The following RYR2 variants were observed in gnomAD, a reference collection of about 807,000 sequenced individuals.
RYR2 encodes the protein ryanodine receptor 2, also known as cardiac muscle ryanodine receptor-calcium release channel.
Under a neutral mutation model 601.1 loss-of-function variants are expected in RYR2, and 227 were observed. That is an observed-to-expected ratio of 0.38 (90% CI 0.34 to 0.42). The LOEUF (loss-of-function observed/expected upper bound fraction) is 0.42. Among genes scored for constraint, RYR2 ranks in the 10% least tolerant of loss-of-function variants. The pLI is 1.00. For missense variants in RYR2, 4,646 were observed against 6,156.5 expected (o/e 0.75, Z 8.21); for synonymous variants, 2,223 against 2,175.1 (o/e 1.02, Z -0.61).
At chr1:237,347,798 G>A (rs529007597) in intron 3 of RYR2, among the ~76,000 whole-genome samples, 1 of 152,094 alleles carries the variant, frequency 6.6e-6, no homozygotes, top group South Asian at 2.1e-4. Flanking sequence ...CAAACCAGAA[G>A]TTTTAAAAGG....
At chr1:237,636,751 C>T (rs1186324520) in intron 44 of RYR2, among the ~76,000 whole-genome samples, 2 of 152,168 alleles carry the variant, frequency 1.3e-5, no homozygotes, top group Non-Finnish European at 2.9e-5. Context: ...CAGCTTTATT[C>T]GTCATAGCCA....
At chr1:237,360,814 G>A (rs1475646676) in intron 4 of RYR2, among the ~76,000 whole-genome samples, 1 of 152,186 alleles carries the variant, frequency 6.6e-6, no homozygotes, top group Non-Finnish European at 1.5e-5. Context: ...CAATATGTCT[G>A]TCTTTTCAGA....
chr1:237,519,446 G>T (rs1666879049), intron 24 of RYR2, among the ~76,000 whole-genome samples: 1 of 152,052 alleles, frequency 6.6e-6, no homozygotes, highest in South Asian at 2.1e-4. Context: ...ATCTTGAGTT[G>T]ATTTTTGTAC....
At chr1:237,312,617 G>C (rs1459057794) in intron 2 of RYR2, among the ~76,000 whole-genome samples, 1 of 152,174 alleles carries the variant, frequency 6.6e-6, no homozygotes, top group Non-Finnish European at 1.5e-5. Flanking sequence ...ATACAAATAT[G>C]TCACTGAAAA....
At chr1:237,832,156 A>G (rs755175222) in intron 104 of RYR2, among the ~76,000 whole-genome samples, 2 of 151,708 alleles carry the variant, frequency 1.3e-5, no homozygotes, top group Non-Finnish European at 2.9e-5. Context: ...CTCCTGTTTC[A>G]GCCCCACAAG....
intron 17 of RYR2, among the ~76,000 whole-genome samples, chr1:237,476,722 A>G (rs1661451742): frequency 6.6e-6 from 1 of 152,140 alleles, no homozygotes. Context: ...AAATTGTGCC[A>G]TAATCTTGTG....
intron 42 of RYR2, among the ~76,000 whole-genome samples, chr1:237,632,792 T>C (rs476078): frequency 0.47 from 71,065 of 152,020 alleles, 18,500 homozygotes; most frequent in Non-Finnish European, 0.6. Flanking sequence ...CAGTATAATT[T>C]TATAACCTCT....
At chr1:237,218,968 G>A (rs1027619348) in intron 1 of RYR2, among the ~76,000 whole-genome samples, 2 of 151,626 alleles carry the variant, frequency 1.3e-5, no homozygotes, top group Non-Finnish European at 2.9e-5. Flanking sequence ...AAGAGGTAGC[G>A]GCTGACCCAC....
At chr1:237,455,556 C>A (rs1023656814) in intron 15 of RYR2, among the ~76,000 whole-genome samples, 1 of 151,998 alleles carries the variant, frequency 6.6e-6, no homozygotes, top group African/African-American at 2.4e-5. Flanking sequence ...GCACATGTAA[C>A]CCCCAAAGCC....
At chr1:237,796,136 C>T (rs115352473) in intron 96 of RYR2, among the ~76,000 whole-genome samples, 12 of 151,752 alleles carry the variant, frequency 7.9e-5, no homozygotes, top group African/African-American at 1.7e-4. Flanking sequence ...AGTCGCACTG[C>T]GCTAGTGCAT....
chr1:237,546,997 T>TATATATATATATATA lies in RYR2; in HGVS notation c.2907-1434_2907-1433insATATATATATATATA, dbSNP rs58050661. Among the ~76,000 whole-genome samples, 699 of 82,542 alleles carry TATATATATATATATA rather than the reference T, an allele frequency of 8.5e-3. 7 individuals carry two copies. The highest frequency in any genetic ancestry group is 0.013 in the East Asian group (30 of 2,238). 54.2% of individuals were successfully genotyped at this position (82,542 alleles called of 152,430 possible). On this transcript the variant is annotated intron_variant, in intron 25 of 104. Transcript: ENST00000366574. ...AAAGCATATATATATATATATATATTTATTTATTTATTTATTTATTTATTT... is the reference window on the plus strand; with the variant it reads ...AAAGCATATATATATATATATATATTATATATATATATATATATTTATTTATTTATTTATTTATTT...
chr1:237,822,271 GC>G (rs1281446404), intron 101 of RYR2, among the ~76,000 whole-genome samples: 1 of 152,182 alleles, frequency 6.6e-6, no homozygotes, highest in Non-Finnish European at 1.5e-5. Context: ...ATTAAGGGCA[GC>G]CAGAGAGAAA....
At chr1:237,425,562 A>T (rs1706068918) in intron 12 of RYR2, among the ~76,000 whole-genome samples, 1 of 152,028 alleles carries the variant, frequency 6.6e-6, no homozygotes. Context: ...TGAACTCGGG[A>T]GGCAGAGGAT....
intron 14 of RYR2, among the ~76,000 whole-genome samples, chr1:237,449,431 CTT>C (rs1458473633): frequency 6.6e-6 from 1 of 152,114 alleles, no homozygotes; most frequent in East Asian, 1.9e-4. Context: ...AGTTTTCGCA[CTT>C]TGTCATTCAT....
At chr1:237,570,128 G>T (rs146970388) in intron 29 of RYR2, among the ~76,000 whole-genome samples, 1,548 of 150,444 alleles carry the variant, frequency 0.01, 28 homozygotes, top group African/African-American at 0.036. Context: ...TGAGGCAGGA[G>T]AATTGCTCGA....
At position 237,816,604 on chromosome 1, in the gene RYR2, G is replaced by A. The variant is rs184711356; in HGVS notation, c.14434-2432G>A. On this transcript the variant is annotated intron_variant, in intron 100 of 104. Transcript: ENST00000366574. Reference sequence around the variant, plus strand: ...CTTGGGAGGCTGAGGCAGGAGAATCGCTTGAACCCAGGAGGCGGAGGTTGC... The same window carrying A: ...CTTGGGAGGCTGAGGCAGGAGAATCACTTGAACCCAGGAGGCGGAGGTTGC... Among the ~76,000 whole-genome samples the A allele has an allele frequency of 3.7e-3, 569 of 151,766 alleles. 3 individuals carry two copies. Among genetic ancestry groups the A allele is most frequent in the African/African-American group, 0.013 (546 of 41,362 alleles).
intron 60 of RYR2, among the ~76,000 whole-genome samples, chr1:237,677,478 T>G (rs1032671242): frequency 2.6e-5 from 4 of 152,192 alleles, no homozygotes; most frequent in Admixed American, 6.5e-5. Context: ...AGGTCAAAAT[T>G]TCTTTATGCT....
intron 24 of RYR2, among the ~76,000 whole-genome samples, chr1:237,526,195 C>T (rs1667576747): frequency 6.6e-6 from 1 of 152,008 alleles, no homozygotes; most frequent in Non-Finnish European, 1.5e-5. Flanking sequence ...TTAATAATAA[C>T]CATTCTGACT....
chr1:237,757,879 G>T, intron 82 of RYR2, 103 bp downstream of exon 82: 2 of 730,962 alleles, frequency 2.7e-6, no homozygotes, highest in Non-Finnish European at 4.6e-6. Context: ...GTACAATATG[G>T]CTCAATTTTA....
Sources: gnomAD v4.1 joint callset for allele counts (sites outside exome capture counted in the v4.1 genomes callset) on GRCh38, gnomAD v4.1.1 for gene constraint, MANE v1.5 for transcripts, NCBI Gene and HGNC (gene_info 2026-07-23, HGNC 2026-07-21) for gene names.